DAB1: variants seen among roughly 807,000 people sequenced by gnomAD.
DAB1 encodes disabled homolog 1.
A neutral mutation model predicts 64.6 loss-of-function variants in DAB1; 15 were observed. The observed-to-expected ratio is 0.23, with a 90% CI of 0.16 to 0.36. The LOEUF (loss-of-function observed/expected upper bound fraction) is 0.36, where lower values mean the gene tolerates loss of function less well. Among genes scored for constraint, DAB1 ranks in the 10% least tolerant of loss-of-function variants. The pLI, the probability that DAB1 is intolerant of heterozygous loss-of-function variation, is 1.00. For synonymous variants in DAB1, 235 were observed against 251.9 expected (o/e 0.93, Z 0.64); for missense variants, 596 against 706.7 (o/e 0.84, Z 1.78).
chr1:58,289,960 G>A (rs1661775189), intron 4 of DAB1, among the ~76,000 whole-genome samples: 1 of 152,198 alleles, frequency 6.6e-6, no homozygotes, highest in South Asian at 2.1e-4. Context: ...CAACAAGCTG[G>A]AGACAGTACA....
intron 1 of DAB1, among the ~76,000 whole-genome samples, chr1:57,321,523 T>C (rs1348743093): frequency 6.6e-6 from 1 of 152,160 alleles, no homozygotes; most frequent in Non-Finnish European, 1.5e-5. Flanking sequence ...ATCAGACTTT[T>C]TATACATGGG....
chr1:57,924,555 A>G (rs1202757), intron 5 of DAB1, among the ~76,000 whole-genome samples: 90,547 of 151,024 alleles, frequency 0.6, 27,589 homozygotes, highest in African/African-American at 0.66. Flanking sequence ...TGCCTCCTGG[A>G]TTCAAGCAAT....
At chr1:58,521,198 G>A (rs1646256870) in intron 2 of DAB1, among the ~76,000 whole-genome samples, 1 of 151,956 alleles carries the variant, frequency 6.6e-6, no homozygotes, top group South Asian at 2.1e-4. Flanking sequence ...TAACCCATGG[G>A]TCAAAGAAGA....
intron 4 of DAB1, among the ~76,000 whole-genome samples, chr1:58,321,995 G>A (rs915138990): frequency 2.6e-5 from 4 of 152,206 alleles, no homozygotes; most frequent in Non-Finnish European, 4.4e-5. Context: ...GCCTAACTGG[G>A]GGATACCTCC....
chr1:57,995,485 C>T (rs1216689000), intron 5 of DAB1, among the ~76,000 whole-genome samples: 1 of 151,926 alleles, frequency 6.6e-6, no homozygotes, highest in Non-Finnish European at 1.5e-5. Context: ...TGAAAGTGTG[C>T]AAATAAAAAT....
At chr1:57,591,872 T>C (rs1415639150) in intron 7 of DAB1, among the ~76,000 whole-genome samples, 4 of 152,240 alleles carry the variant, frequency 2.6e-5, no homozygotes, top group Admixed American at 1.3e-4. Context: ...TAGCGGAGTC[T>C]TTCATTCTTT....
intron 7 of DAB1, among the ~76,000 whole-genome samples, chr1:57,629,154 T>C (rs544780689): frequency 3.3e-5 from 5 of 152,246 alleles, no homozygotes; most frequent in Admixed American, 1.3e-4. Context: ...TATGAGTAGT[T>C]CTCTGCTCTG....
chr1:57,459,804 A>G (rs1041691907), intron 7 of DAB1, among the ~76,000 whole-genome samples: 14 of 152,164 alleles, frequency 9.2e-5, no homozygotes, highest in African/African-American at 3.4e-4. Context: ...CCTCTTTCTC[A>G]TTCTTCTTCC....
intron 4 of DAB1, among the ~76,000 whole-genome samples, chr1:58,241,662 GATTA>G (rs1660304342): frequency 2.0e-5 from 3 of 152,008 alleles, no homozygotes; most frequent in Admixed American, 1.3e-4. Flanking sequence ...TAGGCAAAAT[GATTA>G]ATTATCTGTC....
At chr1:57,071,128 T>C in intron 6 of DAB1, 67 bp from the exon 7 acceptor site, 1 of 1,438,162 alleles carries the variant, frequency 7.0e-7, no homozygotes, top group Non-Finnish European at 9.8e-7. Flanking sequence ...TGAGACTGCA[T>C]TCAGAAATTA....
At chr1:58,317,680 A>G (rs935494927) in intron 4 of DAB1, among the ~76,000 whole-genome samples, 1 of 152,216 alleles carries the variant, frequency 6.6e-6, no homozygotes, top group Non-Finnish European at 1.5e-5. Flanking sequence ...GAACCTCCAG[A>G]TAAGAGCCCA....
intron 1 of DAB1, among the ~76,000 whole-genome samples, chr1:57,382,551 A>T (rs1030358145): frequency 6.6e-6 from 1 of 152,196 alleles, no homozygotes; most frequent in Admixed American, 6.5e-5. Context: ...CCAGAAAGCC[A>T]CATTCCTTTC....
At chr1:57,231,967 T>A (rs1382446160) in intron 2 of DAB1, among the ~76,000 whole-genome samples, 1 of 152,172 alleles carries the variant, frequency 6.6e-6, no homozygotes, top group Non-Finnish European at 1.5e-5. Context: ...ACTTAGTGAC[T>A]CTGTACTCCA....
At chr1:57,337,900 CCCTT>C (rs1677223630) in intron 1 of DAB1, among the ~76,000 whole-genome samples, 1 of 122,194 alleles carries the variant, frequency 8.2e-6, no homozygotes, top group African/African-American at 3.0e-5. Context: ...CCCTTCCCTT[CCCTT>C]CCCTCCTTCC....
At chr1:57,205,484 A>AGT (rs1665463599) in intron 2 of DAB1, among the ~76,000 whole-genome samples, 1 of 152,188 alleles carries the variant, frequency 6.6e-6, no homozygotes, top group Non-Finnish European at 1.5e-5. Context: ...ATTACCAAGG[A>AGT]GGAAAGTACA....
chr1:57,170,025 C>A (rs1293854038), intron 2 of DAB1, among the ~76,000 whole-genome samples: 1 of 150,076 alleles, frequency 6.7e-6, no homozygotes, highest in Non-Finnish European at 1.5e-5. Flanking sequence ...AAGACAGAGT[C>A]TCACTCTGTC....
At chr1:57,692,716 C>T (rs1002465267) in intron 6 of DAB1, among the ~76,000 whole-genome samples, 6 of 152,168 alleles carry the variant, frequency 3.9e-5, no homozygotes, top group Admixed American at 2.0e-4. Context: ...TATCCTTACT[C>T]TACAATCCCA....
At chr1:57,850,488 T>TTTA (rs1653472472) in intron 1 of DAB1, among the ~76,000 whole-genome samples, 1 of 151,538 alleles carries the variant, frequency 6.6e-6, no homozygotes, top group Admixed American at 6.6e-5. Context: ...AATGAAACCA[T>TTTA]TTATTATATA....
At chr1:57,642,558 A>G (rs76576000) in intron 7 of DAB1, among the ~76,000 whole-genome samples, 2,215 of 152,266 alleles carry the variant, frequency 0.015, 28 homozygotes, top group Middle Eastern at 0.037. Context: ...ATCTTCTCTT[A>G]TCAACTCTAG....
Sources: allele counts gnomAD v4.1 joint callset (sites outside exome capture counted in the v4.1 genomes callset), GRCh38; gene constraint gnomAD v4.1.1; transcripts MANE v1.5; gene names NCBI Gene and HGNC (gene_info 2026-07-23, HGNC 2026-07-21).